The following EPN2 variants were observed in gnomAD, a reference collection of about 807,000 sequenced individuals.
EPN2 encodes epsin-2.
A neutral mutation model predicts 61.7 loss-of-function variants in EPN2; 34 were observed. The ratio of observed to expected loss-of-function variants is 0.55; its 90% CI spans 0.42 to 0.73. The LOEUF (loss-of-function observed/expected upper bound fraction) is 0.73. Among genes scored for constraint, EPN2 ranks in the 30% least tolerant of loss-of-function variants. EPN2 has a pLI of 0.00. For synonymous variants in EPN2, 349 were observed against 353.6 expected (o/e 0.99, Z 0.15); for missense variants, 714 against 839.2 (o/e 0.85, Z 1.84).
chr17:19,324,941 C>G (rs930175192), intron 7 of EPN2, among the ~76,000 whole-genome samples: 4 of 152,202 alleles, frequency 2.6e-5, no homozygotes, highest in African/African-American at 9.7e-5. Flanking sequence ...CCGGCACACT[C>G]AGGATTTCAT....
intron 4 of EPN2, among the ~76,000 whole-genome samples, chr17:19,295,509 G>A (rs1029057709): frequency 6.6e-6 from 1 of 152,038 alleles, no homozygotes; most frequent in Admixed American, 6.5e-5. Context: ...TCCAGCCTGG[G>A]TGACAAGAGT....
intron 4 of EPN2, among the ~76,000 whole-genome samples, chr17:19,300,020 C>T (rs753276759): frequency 3.9e-5 from 6 of 152,180 alleles, no homozygotes; most frequent in Non-Finnish European, 5.9e-5. Flanking sequence ...GGCAGATGGC[C>T]GGCTGGAAGC....
chr17:19,332,635 A>G (rs985489406), intron 10 of EPN2, among the ~76,000 whole-genome samples: 1 of 151,776 alleles, frequency 6.6e-6, no homozygotes. Context: ...TGTGCATGAA[A>G]CCCTTGTGAC....
In EPN2 at chr17:19,296,000, C is replaced by T. The variant is rs570934675; in HGVS notation, c.766+10210C>T. Among the ~76,000 whole-genome samples the T allele has an allele frequency of 1.1e-4, 17 of 152,230 alleles. No individual in the cohort carries two copies. The East Asian group carries it at 3.1e-3, about 28-fold the overall frequency. On this transcript the variant is annotated intron_variant, in intron 4 of 10. Transcript: ENST00000314728. ...TGGAGCAGCTTGGAAATTGATATTA[C>T]ACATCAAATTAGTCTCCTCCTGCTG...
chr17:19,295,362 A>ACGCGCGCGCGCGCGCG (rs1182989127), intron 4 of EPN2, among the ~76,000 whole-genome samples: 1 of 71,004 alleles, frequency 1.4e-5, no homozygotes, highest in Non-Finnish European at 4.5e-5. Context: ...ACACACACAC[A>ACGCGCGCGCGCGCGCG]CACACGCGCG....
At position 19,285,505 on chromosome 17, in the gene EPN2, C is replaced by T; in HGVS notation, c.596-115C>T. ...AGTGGGCTTTTCACAGCTTCCACCG[C>T]AGTGGGCTGCGGGGTTGACCCCGAG... is the stretch of plus-strand genomic sequence containing the variant. On this transcript the variant is annotated intron_variant, in intron 3 of 10. Transcript: ENST00000314728. This position sits in a 1 kb window ranked among gnomAD's most constrained non-coding sequence, Gnocchi z 4.5. 1 of 1,343,910 alleles carries T rather than the reference C, an allele frequency of 7.4e-7. No individual in the cohort carries two copies. Among genetic ancestry groups the T allele is most frequent in the Non-Finnish European group, 9.6e-7 (1 of 1,046,502 alleles). The allele number at this position is 1,343,910 out of a possible 1,614,324, so 83.2% of individuals were successfully genotyped here. A position where few individuals can be genotyped will look rare whatever the true frequency, so the allele number is the denominator to read the frequency against.
intron 1 of EPN2, among the ~76,000 whole-genome samples, chr17:19,254,682 A>G (rs1276299177): frequency 2.6e-5 from 4 of 152,054 alleles, no homozygotes; most frequent in Non-Finnish European, 5.9e-5. Context: ...GGCAAACCCC[A>G]CCCTTCTTAG....
At chr17:19,243,800 A>G (rs1351214164) in intron 1 of EPN2, among the ~76,000 whole-genome samples, 1 of 152,132 alleles carries the variant, frequency 6.6e-6, no homozygotes, top group Admixed American at 6.6e-5. Context: ...TGGCCTCCCA[A>G]AGTGCTGGGA....
chr17:19,320,819 T>C (rs1001204226), intron 7 of EPN2, among the ~76,000 whole-genome samples: 1 of 152,190 alleles, frequency 6.6e-6, no homozygotes, highest in African/African-American at 2.4e-5. Flanking sequence ...CTGTTAGAAG[T>C]GGTCACTGAA....
chr17:19,326,942 G>A (rs1029913359), intron 7 of EPN2, among the ~76,000 whole-genome samples: 8 of 152,108 alleles, frequency 5.3e-5, no homozygotes, highest in African/African-American at 1.9e-4. Context: ...AAGATGCACA[G>A]CCTCATTAAA....
Position 19,335,311 on chromosome 17 carries a change from G to A in EPN2, c.*1057G>A, listed in dbSNP as rs915106654. On this transcript the variant is annotated 3_prime_UTR_variant, in exon 11 of 11. Coordinates refer to ENST00000314728, the MANE Select transcript of EPN2 (RefSeq NM_014964.5). ...GATCCTGAGAGGCTATTTTTCTTAC[G>A]AATATACCAACATCCTGAAAGTTAA... is the stretch of plus-strand genomic sequence containing the variant. The A allele has an allele frequency of 1.2e-4, 152 of 1,302,504 alleles. No homozygotes were observed. Among genetic ancestry groups the A allele is most frequent in the Non-Finnish European group, 1.4e-4 (137 of 952,830 alleles). The allele number at this position is 1,302,504 out of a possible 1,614,324, so 80.7% of individuals were successfully genotyped here.
intron 4 of EPN2, among the ~76,000 whole-genome samples, chr17:19,290,588 T>C (rs2045453069): frequency 6.7e-6 from 1 of 149,958 alleles, no homozygotes; most frequent in African/African-American, 2.5e-5. Context: ...GCCCCCTTGC[T>C]GAGTCTGCGG....
intron 4 of EPN2, chr17:19,297,452 T>A (rs531250427): frequency 6.6e-6 from 1 of 152,364 alleles, no homozygotes; most frequent in Non-Finnish European, 1.5e-5. Flanking sequence ...AAAAGTTGGT[T>A]CATGTGCTCA....
chr17:19,296,470 A>C (rs2045521350), intron 4 of EPN2: 5 of 152,146 alleles, frequency 3.3e-5, no homozygotes, highest in Non-Finnish European at 2.9e-5. Flanking sequence ...TTTTTGGTAC[A>C]AATGTAATAA....
chr17:19,271,433 G>A (rs1187435975), intron 1 of EPN2: 1 of 152,292 alleles, frequency 6.6e-6, no homozygotes, highest in Non-Finnish European at 1.5e-5. Flanking sequence ...CAGCATGTGG[G>A]TGGCACATAA....
chr17:19,319,704 G>C (rs1231317504), intron 7 of EPN2, among the ~76,000 whole-genome samples: 1 of 151,468 alleles, frequency 6.6e-6, no homozygotes, highest in African/African-American at 2.4e-5. Context: ...CTGGAATGCA[G>C]TGGTATGATC....
chr17:19,328,600 C>T (rs1363228194), intron 7 of EPN2, 111 bp from the exon 8 acceptor site: 4 of 1,047,902 alleles, frequency 3.8e-6, no homozygotes, highest in Non-Finnish European at 4.1e-6. Context: ...GCTGTCTCAC[C>T]TGGCACAGGG....
chr17:19,323,611 T>A (rs1457290732), intron 7 of EPN2, among the ~76,000 whole-genome samples: 1 of 152,218 alleles, frequency 6.6e-6, no homozygotes, highest in Non-Finnish European at 1.5e-5. Context: ...AGCTAACTTA[T>A]TGACAGCAAC....
At chr17:19,303,235 G>A (rs1304004008) in intron 4 of EPN2, among the ~76,000 whole-genome samples, 1 of 152,208 alleles carries the variant, frequency 6.6e-6, no homozygotes, top group African/African-American at 2.4e-5. Flanking sequence ...CACAGCCACT[G>A]TCACACACAC....
Sources: allele counts gnomAD v4.1 joint callset (sites outside exome capture counted in the v4.1 genomes callset), GRCh38; gene constraint gnomAD v4.1.1; non-coding constraint Gnocchi (gnomAD v3.1); transcripts MANE v1.5; gene names NCBI Gene and HGNC (gene_info 2026-07-23, HGNC 2026-07-21).